RAB38: variants seen among roughly 807,000 people sequenced by gnomAD.
The protein encoded by RAB38 is RAB38, member RAS oncogene family, also known as ras-related protein Rab-38.
In RAB38, 15 loss-of-function variants were observed where a neutral mutation model predicts 18.4. The ratio of observed to expected loss-of-function variants is 0.82; its 90% CI spans 0.55 to 1.26. The LOEUF (loss-of-function observed/expected upper bound fraction) is 1.26, where lower values mean the gene tolerates loss of function less well. Among genes scored for constraint, RAB38 ranks in the 50% most tolerant of loss-of-function variants. The pLI is 0.00. For missense variants in RAB38, 294 were observed against 267.4 expected, an observed-to-expected ratio of 1.10 and a Z score of -0.69; for synonymous variants, 101 against 104.4, an observed-to-expected ratio of 0.97 and a Z score of 0.20.
the RAB38 span, among the ~76,000 whole-genome samples, chr11:87,975,365 C>G: frequency 6.6e-6 from 1 of 151,816 alleles, no homozygotes. Flanking sequence ...AAAGATGAGA[C>G]AAAATTAAAG....
chr11:88,040,554 A>C, the RAB38 span, among the ~76,000 whole-genome samples: 1 of 152,138 alleles, frequency 6.6e-6, no homozygotes, highest in Non-Finnish European at 1.5e-5. Flanking sequence ...GAAAATAAAA[A>C]ATTAGCTGGG....
chr11:88,019,052 T>C, the RAB38 span, among the ~76,000 whole-genome samples: 1 of 152,262 alleles, frequency 6.6e-6, no homozygotes. Context: ...ATTATTTTTA[T>C]CTTCTAAAAA....
chr11:87,975,007 T>A, the RAB38 span, among the ~76,000 whole-genome samples: 2 of 151,852 alleles, frequency 1.3e-5, no homozygotes, highest in African/African-American at 4.8e-5. Flanking sequence ...GAGGGAATAA[T>A]GGAAAAGCCG....
At chr11:88,094,893 C>G in the RAB38 span, among the ~76,000 whole-genome samples, 1 of 151,806 alleles carries the variant, frequency 6.6e-6, no homozygotes, top group African/African-American at 2.4e-5. Flanking sequence ...TATTCTTGAA[C>G]CTTCAATATC....
At chr11:88,151,062 G>A (rs1228400004) in intron 1 of RAB38, among the ~76,000 whole-genome samples, 2 of 152,128 alleles carry the variant, frequency 1.3e-5, no homozygotes, top group African/African-American at 4.8e-5. Context: ...GATAAGGATT[G>A]GTTTCAGAAT....
At position 88,149,857 on chromosome 11, in the gene RAB38, C is replaced by G. The variant is rs1943041811; in HGVS notation, c.301G>C (p.Val101Leu). 6.2e-7 allele frequency: 1 copy of G among 1,613,960 alleles called. No homozygotes were observed. The highest frequency in any genetic ancestry group is 1.3e-5 in the African/African-American group (1 of 74,884). The stretch of plus-strand genomic sequence containing the variant: ...TCCAAATCATTTTTCCACTTTGCCA[C>G]TGCTTCAAATGTGGCTGGCCTGGTG... ...DVTRPATFEA[V>L]AKWKNDLDSK... The change falls in exon 2 of 3, where the codon GTG becomes CTG. Residue 101 changes from valine (V) to leucine (L), a missense_variant. Coordinates refer to ENST00000243662, the MANE Select transcript of RAB38 (RefSeq NM_022337.3).
the RAB38 span, among the ~76,000 whole-genome samples, chr11:87,940,843 G>T: frequency 6.6e-6 from 1 of 151,854 alleles, no homozygotes; most frequent in Non-Finnish European, 1.5e-5. Context: ...ATATTGCCAG[G>T]CTTGTCTCAA....
chr11:88,112,091 A>C (rs1942481259), downstream of RAB38, among the ~76,000 whole-genome samples: 1 of 152,274 alleles, frequency 6.6e-6, no homozygotes, highest in African/African-American at 2.4e-5. Flanking sequence ...TCATATAAGT[A>C]GAGTATCTAT....
At chr11:87,949,201 C>T in the RAB38 span, among the ~76,000 whole-genome samples, 14,992 of 152,032 alleles carry the variant, frequency 0.099, 916 homozygotes, top group East Asian at 0.16. Context: ...TATTCTCTGA[C>T]GGTAGTTTGT....
At chr11:88,015,012 G>C in the RAB38 span, among the ~76,000 whole-genome samples, 3 of 151,250 alleles carry the variant, frequency 2.0e-5, no homozygotes, top group African/African-American at 7.3e-5. Context: ...ATAATAGATC[G>C]ACCTTAAAAT....
the RAB38 span, among the ~76,000 whole-genome samples, chr11:87,912,441 A>AG: frequency 7.2e-5 from 11 of 151,994 alleles, no homozygotes; most frequent in Non-Finnish European, 1.3e-4. Context: ...TGTGTCTCAA[A>AG]GGACTAGTCC....
chr11:88,114,633 G>C (rs1942523700), intron 2 of RAB38, among the ~76,000 whole-genome samples: 2 of 152,160 alleles, frequency 1.3e-5, no homozygotes, highest in African/African-American at 4.8e-5. Flanking sequence ...ACACTGTTCT[G>C]ACCTCTTTGA....
chr11:87,853,780 A>G, the RAB38 span, among the ~76,000 whole-genome samples: 42 of 152,216 alleles, frequency 2.8e-4, no homozygotes, highest in Admixed American at 9.8e-4. Flanking sequence ...TAAACTTAAT[A>G]GTTTTAAATT....
intron 1 of RAB38, among the ~76,000 whole-genome samples, chr11:88,153,691 C>G (rs1256813361): frequency 1.3e-5 from 2 of 152,182 alleles, no homozygotes; most frequent in African/African-American, 4.8e-5. Flanking sequence ...AATACCCATC[C>G]CTAGTTGGGT....
At chr11:88,076,321 C>T in the RAB38 span, among the ~76,000 whole-genome samples, 3 of 151,950 alleles carry the variant, frequency 2.0e-5, no homozygotes, top group Admixed American at 6.6e-5. Flanking sequence ...TAATATTGTA[C>T]CGAATGGAAA....
chr11:88,055,764 C>T, the RAB38 span, among the ~76,000 whole-genome samples: 66 of 152,136 alleles, frequency 4.3e-4, no homozygotes, highest in South Asian at 0.014. Flanking sequence ...TGAAGGAAAA[C>T]GAAAGATGAA....
chr11:88,032,418 T>G, the RAB38 span, among the ~76,000 whole-genome samples: 5 of 151,950 alleles, frequency 3.3e-5, no homozygotes, highest in African/African-American at 7.3e-5. Context: ...CACAGCAAAA[T>G]AAAGTACCAT....
the RAB38 span, among the ~76,000 whole-genome samples, chr11:88,081,340 A>T: frequency 1.3e-5 from 2 of 151,974 alleles, no homozygotes; most frequent in African/African-American, 4.8e-5. Flanking sequence ...CCTGTATATT[A>T]ATGTTTATAG....
At chr11:87,952,127 C>T in the RAB38 span, among the ~76,000 whole-genome samples, 3 of 152,088 alleles carry the variant, frequency 2.0e-5, no homozygotes, top group South Asian at 6.2e-4. Context: ...GCAGGTCATT[C>T]CTGCCTGGCA....
Sources: gnomAD v4.1 joint callset for allele counts (sites outside exome capture counted in the v4.1 genomes callset) on GRCh38, gnomAD v4.1.1 for gene constraint, MANE v1.5 for transcripts, NCBI Gene and HGNC (gene_info 2026-07-23, HGNC 2026-07-21) for gene names.